Variants in NYAP2 observed in about 807,000 individuals in gnomAD.
NYAP2 encodes neuronal tyrosine-phosphorylated phosphoinositide-3-kinase adaptor 2.
A neutral mutation model predicts 50.4 loss-of-function variants in NYAP2; 23 were observed. The observed-to-expected ratio is 0.46, with a 90% CI of 0.33 to 0.65. The LOEUF is 0.65. Ranked by LOEUF, NYAP2 falls within the 30% of genes least tolerant of loss-of-function variation. NYAP2 has a pLI of 0.02. For synonymous variants in NYAP2, 394 were observed against 365.2 expected (o/e 1.08, Z -0.90); for missense variants, 885 against 861.0 (o/e 1.03, Z -0.35).
At chr2:225,480,208 T>C (rs750252563) in intron 3 of NYAP2, among the ~76,000 whole-genome samples, 4 of 152,136 alleles carry the variant, frequency 2.6e-5, no homozygotes, top group Non-Finnish European at 5.9e-5. Flanking sequence ...TTATTGAATG[T>C]CTACTACATG....
intron 3 of NYAP2, among the ~76,000 whole-genome samples, chr2:225,508,097 A>T (rs2106182074): frequency 6.6e-6 from 1 of 152,382 alleles, no homozygotes; most frequent in South Asian, 2.1e-4. Context: ...TAACCAACAG[A>T]CAAGTAGATC....
At chr2:225,625,322 A>G (rs1693190720) in intron 5 of NYAP2, among the ~76,000 whole-genome samples, 1 of 152,202 alleles carries the variant, frequency 6.6e-6, no homozygotes, top group Non-Finnish European at 1.5e-5. Context: ...AATTAAATTA[A>G]AAATTCATGG....
intron 5 of NYAP2, among the ~76,000 whole-genome samples, chr2:225,617,429 A>G (rs1408923043): frequency 6.6e-6 from 1 of 151,988 alleles, no homozygotes; most frequent in African/African-American, 2.4e-5. Context: ...AACTCTATCA[A>G]AAAATAAAAA....
At chr2:225,428,485 C>A (rs2106131888) in intron 3 of NYAP2, among the ~76,000 whole-genome samples, 1 of 152,280 alleles carries the variant, frequency 6.6e-6, no homozygotes, top group East Asian at 1.9e-4. Flanking sequence ...AGGCAACTAC[C>A]CAGTTCTGCT....
chr2:225,546,104 C>A (rs1245774567), intron 4 of NYAP2, among the ~76,000 whole-genome samples: 1 of 152,136 alleles, frequency 6.6e-6, no homozygotes, highest in Non-Finnish European at 1.5e-5. Context: ...CTGTGGCCAC[C>A]ACCGCTGGGA....
chr2:225,620,431 G>GCACACACGCACGCACACGCACGCA (rs1559232005), intron 5 of NYAP2, among the ~76,000 whole-genome samples: 1 of 29,208 alleles, frequency 3.4e-5, no homozygotes, highest in East Asian at 9.2e-4. Flanking sequence ...GCACACGCAC[G>GCACACACGCACGCACACGCACGCA]CACACACGCA....
intron 3 of NYAP2, among the ~76,000 whole-genome samples, chr2:225,478,661 G>C (rs1690158147): frequency 6.6e-6 from 1 of 152,004 alleles, no homozygotes; most frequent in South Asian, 2.1e-4. Flanking sequence ...TTTTTTCAAG[G>C]TTAATCTGTG....
Position 225,582,154 on chromosome 2 carries a change from T to C in NYAP2, c.737T>C (p.Ile246Thr). Residue 246 changes from isoleucine (I) to threonine (T), a missense_variant, in exon 5 of 7, where the codon ATC (isoleucine) becomes ACC (threonine). Ile to Thr is a moderately conservative substitution (Grantham distance 89). Coordinates refer to ENST00000636099, the Ensembl canonical transcript of NYAP2. The surrounding 1 kb of genome is among the most constrained non-coding windows in gnomAD (Gnocchi z 7.0). ...CCCGAGGAAGAGGAGCCCGTGTACA[T>C]CGAGATGGTGGGGAACATTCTCAGA... 1.2e-6 allele frequency: 2 copies of C among 1,613,928 alleles called. No homozygotes were observed. Among genetic ancestry groups the C allele is most frequent in the Non-Finnish European group, 1.7e-6 (2 of 1,179,840 alleles).
chr2:225,569,552 C>G (rs1467030921), intron 4 of NYAP2, among the ~76,000 whole-genome samples: 1 of 152,082 alleles, frequency 6.6e-6, no homozygotes. Context: ...TTCCTGGGAG[C>G]AGGAATAAAC....
intron 3 of NYAP2, among the ~76,000 whole-genome samples, chr2:225,500,694 G>T (rs1690589613): frequency 6.6e-6 from 1 of 152,162 alleles, no homozygotes; most frequent in Non-Finnish European, 1.5e-5. Context: ...GTAGGTTTAA[G>T]ACAGAGCTGA....
At chr2:225,538,620 G>T (rs1691392923) in intron 4 of NYAP2, among the ~76,000 whole-genome samples, 1 of 152,136 alleles carries the variant, frequency 6.6e-6, no homozygotes, top group African/African-American at 2.4e-5. Flanking sequence ...GGCTTGTAAT[G>T]GGAGAGGTTG....
rs199526079 is a variant in NYAP2 at position 225,450,039 on chromosome 2, AAGAT to A, written c.221+40942_221+40945del. 2.4e-3 allele frequency among the ~76,000 whole-genome samples: 361 copies of A among 152,314 alleles called. 2 individuals carry two copies. Among genetic ancestry groups the A allele is most frequent in the African/African-American group, 8.3e-3 (344 of 41,564 alleles). ...AGTATGTCTCCTGAGGAATCAGAGAAAGATAGAGAAAGATAATATGTGGTCTTGA... is the reference window on the plus strand; with the variant it reads ...AGTATGTCTCCTGAGGAATCAGAGAAAGAGAAAGATAATATGTGGTCTTGA... On this transcript the variant is annotated intron_variant, in intron 3 of 6. Coordinates refer to ENST00000636099, the Ensembl canonical transcript of NYAP2.
At chr2:225,543,664 T>G (rs548260119) in intron 4 of NYAP2, among the ~76,000 whole-genome samples, 1 of 152,178 alleles carries the variant, frequency 6.6e-6, no homozygotes, top group East Asian at 1.9e-4. Flanking sequence ...ACTTAAGACA[T>G]GTTTTGTGAC....
the NYAP2 span, among the ~76,000 whole-genome samples, chr2:225,664,528 C>G: frequency 1.3e-5 from 2 of 152,126 alleles, no homozygotes; most frequent in Admixed American, 6.5e-5. Context: ...TAGTTACTTA[C>G]AAGTTTTACC....
At chr2:225,560,435 A>G (rs191962290) in intron 4 of NYAP2, among the ~76,000 whole-genome samples, 20 of 152,216 alleles carry the variant, frequency 1.3e-4, no homozygotes, top group African/African-American at 4.8e-4. Context: ...CTTGAGATCC[A>G]TGCCTGCAAG....
chr2:225,688,775 C>T, the NYAP2 span, among the ~76,000 whole-genome samples: 34 of 152,290 alleles, frequency 2.2e-4, no homozygotes, highest in South Asian at 6.6e-3. Context: ...TGGAGTCTTG[C>T]TCTGACACCC....
At chr2:225,488,925 A>C (rs774936544) in intron 3 of NYAP2, among the ~76,000 whole-genome samples, 4 of 152,192 alleles carry the variant, frequency 2.6e-5, no homozygotes, top group Non-Finnish European at 5.9e-5. Flanking sequence ...GCTCAAAACC[A>C]CATAGTAAAT....
intron 3 of NYAP2, among the ~76,000 whole-genome samples, chr2:225,447,785 C>T (rs10498188): frequency 0.016 from 2,491 of 152,164 alleles, 59 homozygotes; most frequent in African/African-American, 0.057. Flanking sequence ...TACATTCTAC[C>T]GCATCATTTA....
intron 3 of NYAP2, among the ~76,000 whole-genome samples, chr2:225,473,403 G>A (rs1017639608): frequency 6.6e-6 from 1 of 151,534 alleles, no homozygotes; most frequent in African/African-American, 2.4e-5. Context: ...CACAATGGTT[G>A]AACTAGTTCA....
Sources: gnomAD v4.1 joint callset for allele counts (sites outside exome capture counted in the v4.1 genomes callset) on GRCh38, gnomAD v4.1.1 for gene constraint, Gnocchi (gnomAD v3.1) non-coding constraint, MANE v1.5 for transcripts, NCBI Gene and HGNC (gene_info 2026-07-23, HGNC 2026-07-21) for gene names.